The following ZNF318 variants were observed in gnomAD, a reference collection of about 807,000 sequenced individuals.
ZNF318 encodes endocrine regulator.
ZNF318 carries 51 observed loss-of-function variants against 124.2 expected under a neutral mutation model. The ratio of observed to expected loss-of-function variants is 0.41; its 90% CI spans 0.33 to 0.52. ZNF318 has a LOEUF of 0.52. ZNF318 is among the 20% of genes least tolerant of loss of function. ZNF318 has a pLI of 0.23. For synonymous variants in ZNF318, 1,090 were observed against 1,040.7 expected, an observed-to-expected ratio of 1.05 and a Z score of -0.91; for missense variants, 2,815 against 2,811.2, an observed-to-expected ratio of 1.00 and a Z score of -0.03.
At chr6:43,350,677 G>A (rs1301959194) in intron 5 of ZNF318, among the ~76,000 whole-genome samples, 2 of 151,994 alleles carry the variant, frequency 1.3e-5, no homozygotes, top group African/African-American at 4.8e-5. Flanking sequence ...AAAAAAATTA[G>A]CCAGGCGTGG....
At chr6:43,341,687 T>G (rs1469840060) in intron 8 of ZNF318, among the ~76,000 whole-genome samples, 8 of 150,742 alleles carry the variant, frequency 5.3e-5, no homozygotes, top group Non-Finnish European at 1.0e-4. Context: ...TTGAGAAGTT[T>G]AAAGACAAAG....
chr6:43,344,948 A>G (rs1321110412), intron 6 of ZNF318, among the ~76,000 whole-genome samples: 1 of 152,150 alleles, frequency 6.6e-6, no homozygotes, highest in Non-Finnish European at 1.5e-5. Flanking sequence ...CCAAGGTATT[A>G]ATAACAGTGG....
Position 43,339,402 on chromosome 6 carries a change from G to C in ZNF318, c.4596C>G (p.Phe1532Leu), listed in dbSNP as rs375940325. Residue 1532 changes from phenylalanine to leucine, a missense_variant, in exon 10 of 10, where the codon TTC (phenylalanine) becomes TTG (leucine). Phe to Leu is a conservative substitution (Grantham distance 22, BLOSUM62 0). Transcript: ENST00000361428. This position sits in a 1 kb window ranked among gnomAD's most constrained non-coding sequence, Gnocchi z 4.2. ...VSESDRDQTL[F>L]SVLVRPPPPL... Reference sequence around the variant, plus strand: ...GTGGTGGAGGACGTACTAACACAGAGAACAGGGTCTGGTCTCGGTCACTCT... The same window carrying C: ...GTGGTGGAGGACGTACTAACACAGACAACAGGGTCTGGTCTCGGTCACTCT... The C allele has an allele frequency of 6.2e-7, 1 of 1,613,332 alleles. No individual in the cohort carries two copies. The highest frequency in any genetic ancestry group is 2.2e-5 in the East Asian group (1 of 44,850).
At position 43,355,857 on chromosome 6, in the gene ZNF318, A is replaced by G; in HGVS notation, c.1477T>C (p.Phe493Leu). ...CTAGCTCTCTCATGGGGCAGCAGGA[A>G]GTCTGTGTGTCGCTCAGGTCCCTCA... ...KAEGPERHTDFLLPHERASQD... is the reference protein window; with the variant it reads ...KAEGPERHTDLLLPHERASQD... The change falls in exon 4 of 10, where the codon TTC (phenylalanine) becomes CTC (leucine). Residue 493 changes from phenylalanine (F) to leucine (L), a missense_variant. Around this residue, in one of 4 missense-constraint regions of ZNF318, gnomAD observed 1,377 missense variants for 1,353.5 expected, o/e 1.02. Transcript: ENST00000361428. The G allele has an allele frequency of 6.2e-7, 1 of 1,614,252 alleles. No homozygotes were observed. The highest frequency in any genetic ancestry group is 8.5e-7 in the Non-Finnish European group (1 of 1,180,040).
intron 1 of ZNF318, among the ~76,000 whole-genome samples, chr6:43,365,916 C>T (rs1189045355): frequency 5.3e-5 from 8 of 152,176 alleles, no homozygotes; most frequent in Admixed American, 4.6e-4. Flanking sequence ...ACCTCTAACT[C>T]TCCTAAACGG....
In ZNF318 at chr6:43,357,398, G is replaced by A. The variant is rs750010245; in HGVS notation, c.916C>T (p.Pro306Ser). The change falls in exon 3 of 10, where the codon CCA becomes TCA. Residue 306 changes from proline (P) to serine (S), a missense_variant. Coordinates refer to ENST00000361428, the MANE Select transcript of ZNF318 (RefSeq NM_014345.3). ...TRNYRQRRRS[P>S]SPRFLDPEFR... ...TCAGGGTCGAGAAACCTAGGACTTG[G>A]GCTTCTTCTACGCTGTCGATAGTTG... 1 of 1,614,074 alleles carries A rather than the reference G, an allele frequency of 6.2e-7. No individual in the cohort carries two copies. The highest frequency in any genetic ancestry group is 8.5e-7 in the Non-Finnish European group (1 of 1,180,018).
At chr6:43,367,024 G>A (rs1389920571) in intron 1 of ZNF318, among the ~76,000 whole-genome samples, 1 of 152,086 alleles carries the variant, frequency 6.6e-6, no homozygotes, top group African/African-American at 2.4e-5. Flanking sequence ...ACTAATTATT[G>A]TATTTTTAGT....
rs752286796 is a variant in ZNF318 at position 43,357,641 on chromosome 6, G to A, written c.673C>T (p.Arg225Ter). ...CGATGCAGGAAAGTTTCTTTTGTTCGGTAGTCCTCATCAAGTTGTCCCAAG... is the reference window on the plus strand; with the variant it reads ...CGATGCAGGAAAGTTTCTTTTGTTCAGTAGTCCTCATCAAGTTGTCCCAAG... Reference protein sequence around the residue: ...PFLGQLDEDYRTKETFLHRSD... With the variant: ...PFLGQLDEDY Residue 225 changes from arginine (R) to a stop codon, truncating the protein, a stop_gained, in exon 3 of 10, where the codon CGA (arginine) becomes TGA (stop). Coordinates refer to ENST00000361428, the MANE Select transcript of ZNF318 (RefSeq NM_014345.3). LOFTEE classifies it high-confidence loss of function. 1.9e-6 allele frequency: 3 copies of A among 1,613,814 alleles called. No individual in the cohort carries two copies. Among genetic ancestry groups the A allele is most frequent in the Non-Finnish European group, 2.5e-6 (3 of 1,180,012 alleles).
In ZNF318 at chr6:43,368,998, C is replaced by T. The variant is rs1447601262; in HGVS notation, c.368G>A (p.Arg123His). Residue 123 changes from arginine (R) to histidine (H), a missense_variant, in exon 1 of 10, where the codon CGC (arginine) becomes CAC (histidine). Around this residue, in one of 4 missense-constraint regions of ZNF318, gnomAD observed 1,377 missense variants for 1,353.5 expected, o/e 1.02. Coordinates refer to ENST00000361428, the MANE Select transcript of ZNF318 (RefSeq NM_014345.3). The part of the protein sequence containing the change: ...ESRADYARDG[R>H]GDHPGDSGSR... ...GCCGCTGTCGCCTGGATGGTCTCCG[C>T]GGCCGTCCCGGGCATAGTCGGCGCG... is the stretch of plus-strand genomic sequence containing the variant. 6 of 1,434,366 alleles carry T rather than the reference C, an allele frequency of 4.2e-6. No individual in the cohort carries two copies. In the African/African-American group the frequency reaches 5.9e-5, roughly 14 times the overall value. The allele number at this position is 1,434,366 out of a possible 1,614,324, so 88.9% of individuals were successfully genotyped here. A position where few individuals can be genotyped will look rare whatever the true frequency, so the allele number is the denominator to read the frequency against.
chr6:43,340,609 C>T, intron 9 of ZNF318, 107 bp from the exon 10 acceptor site: 1 of 1,497,096 alleles, frequency 6.7e-7, no homozygotes, highest in Non-Finnish European at 8.8e-7. Flanking sequence ...CCAGAATTAT[C>T]TTCCTCAAGG....
intron 6 of ZNF318, among the ~76,000 whole-genome samples, chr6:43,346,524 C>CAAAA (rs59587962): frequency 1.7e-3 from 177 of 104,430 alleles, no homozygotes; most frequent in Middle Eastern, 6.0e-3. Context: ...CATCTTTAAC[C>CAAAA]AAAAAAAAAA....
intron 1 of ZNF318, among the ~76,000 whole-genome samples, chr6:43,367,535 T>G (rs189759381): frequency 6.6e-6 from 1 of 152,126 alleles, no homozygotes; most frequent in East Asian, 1.9e-4. Context: ...ATTCTAGAGG[T>G]AAAGCTAACG....
rs1354108538 is a variant in ZNF318 at position 43,338,894 on chromosome 6, T to C, written c.5104A>G (p.Ser1702Gly). 5 of 1,614,024 alleles carry C rather than the reference T, an allele frequency of 3.1e-6. No homozygotes were observed. The highest frequency in any genetic ancestry group is 1.7e-5 in the Admixed American group (1 of 60,010). ...CTACTAGTGTCACTCTGGAAGGAACTAGAGGTCCATATGGCCAAAGTGTCT... is the reference window on the plus strand; with the variant it reads ...CTACTAGTGTCACTCTGGAAGGAACCAGAGGTCCATATGGCCAAAGTGTCT... ...KTDTLAIWTS[S>G]SFQSDTSRDI... is the part of the protein sequence containing the mutation. The change falls in exon 10 of 10, where the codon AGT becomes GGT. Residue 1702 changes from serine to glycine, a missense_variant. Ser to Gly is a moderately conservative substitution (Grantham distance 56, BLOSUM62 0). This residue lies in a region of ZNF318 where 927 missense variants were observed against 820.6 expected (regional missense o/e 1.13). Transcript: ENST00000361428.
chr6:43,366,721 G>A (rs186761562), intron 1 of ZNF318, among the ~76,000 whole-genome samples: 1 of 152,270 alleles, frequency 6.6e-6, no homozygotes, highest in African/African-American at 2.4e-5. Context: ...TGAGAGGATC[G>A]CTTGAGCGTG....
At chr6:43,358,729 AT>A (rs1292437253) in intron 2 of ZNF318, among the ~76,000 whole-genome samples, 1 of 150,438 alleles carries the variant, frequency 6.6e-6, no homozygotes, top group Non-Finnish European at 1.5e-5. Flanking sequence ...GACTTTTTGC[AT>A]TTTTTTAGTA....
chr6:43,342,959 A>ATTTCT, intron 6 of ZNF318, 80 bp from the exon 7 acceptor site: 2 of 1,158,878 alleles, frequency 1.7e-6, no homozygotes, highest in Non-Finnish European at 2.4e-6. Context: ...AAGTGGCCAT[A>ATTTCT]ATAATAGAAA....
In ZNF318 at chr6:43,340,129, A is replaced by G. The variant is rs752426638; in HGVS notation, c.3869T>C (p.Leu1290Ser). The G allele has an allele frequency of 6.2e-7, 1 of 1,614,164 alleles. No individual in the cohort carries two copies. The highest frequency in any genetic ancestry group is 1.3e-5 in the African/African-American group (1 of 75,048). Residue 1290 changes from leucine (L) to serine (S), a missense_variant, in exon 10 of 10, where the codon TTG becomes TCG. Physicochemically the swap from Leu to Ser is moderately radical, Grantham distance 145 (BLOSUM62 -2). Transcript: ENST00000361428. ...KPEKEEEKSS[L>S]VTPSISKEEI... The stretch of plus-strand genomic sequence containing the variant: ...TTCTTTAGAGATACTTGGGGTCACC[A>G]ATGAACTTTTCTCCTCTTCTTTTTC...
chr6:43,357,095 C>A, intron 3 of ZNF318, 31 bp downstream of exon 3: 1 of 1,575,700 alleles, frequency 6.3e-7, no homozygotes. Flanking sequence ...GGGAGACTAG[C>A]AAGAGGCCCT....
chr6:43,352,128 A>G (rs1198271819), intron 5 of ZNF318, among the ~76,000 whole-genome samples: 3 of 65,170 alleles, frequency 4.6e-5, no homozygotes, highest in African/African-American at 1.5e-4. Flanking sequence ...TGGGTGAAAG[A>G]GCAAAACTTC....
Sources: allele counts gnomAD v4.1 joint callset (sites outside exome capture counted in the v4.1 genomes callset), GRCh38; gene constraint gnomAD v4.1.1; regional missense constraint gnomAD v4.1.1; non-coding constraint Gnocchi (gnomAD v3.1); transcripts MANE v1.5; gene names NCBI Gene and HGNC (gene_info 2026-07-23, HGNC 2026-07-21).